Variants in STYK1 observed in about 807,000 individuals in gnomAD.
STYK1 encodes tyrosine-protein kinase STYK1.
In STYK1, 46 loss-of-function variants were observed where a neutral mutation model predicts 48.1. The ratio of observed to expected loss-of-function variants is 0.96; its 90% CI spans 0.75 to 1.22. The LOEUF (loss-of-function observed/expected upper bound fraction) is 1.22, where lower values mean the gene tolerates loss of function less well. Among genes scored for constraint, STYK1 ranks in the 50% most tolerant of loss-of-function variants. The probability of loss-of-function intolerance (pLI) is 0.00; values close to 1 mark genes in which losing one functional copy is unlikely to be tolerated. For synonymous variants in STYK1, 188 were observed against 189.0 expected, an observed-to-expected ratio of 0.99 and a Z score of 0.04; for missense variants, 527 against 521.1, an observed-to-expected ratio of 1.01 and a Z score of -0.11.
intron 1 of STYK1, among the ~76,000 whole-genome samples, chr12:10,640,036 T>C (rs1947526875): frequency 6.6e-6 from 1 of 152,136 alleles, no homozygotes; most frequent in Non-Finnish European, 1.5e-5. Context: ...ATTCTGAAAA[T>C]AGAAGTAGAA....
At chr12:10,620,611 T>C (rs1418618671) in intron 10 of STYK1, among the ~76,000 whole-genome samples, 2 of 152,194 alleles carry the variant, frequency 1.3e-5, no homozygotes, top group Admixed American at 6.5e-5. Flanking sequence ...CAGGACAGTT[T>C]TATCACTACA....
intron 1 of STYK1, among the ~76,000 whole-genome samples, chr12:10,657,497 A>C (rs1336020688): frequency 2.0e-5 from 3 of 152,264 alleles, no homozygotes; most frequent in Non-Finnish European, 4.4e-5. Context: ...TGGGAAATAA[A>C]GACAGTTTTA....
intron 9 of STYK1, 110 bp from the exon 10 acceptor site, chr12:10,622,082 G>A: frequency 1.2e-6 from 1 of 843,162 alleles, no homozygotes; most frequent in Non-Finnish European, 1.9e-6. Context: ...ATAGCCATAG[G>A]AAAAATACTA....
intron 1 of STYK1, among the ~76,000 whole-genome samples, chr12:10,655,165 G>A (rs946023966): frequency 6.6e-6 from 1 of 152,158 alleles, no homozygotes; most frequent in Non-Finnish European, 1.5e-5. Flanking sequence ...TTGTCTTTCT[G>A]TGTTATTCTG....
intron 4 of STYK1, among the ~76,000 whole-genome samples, chr12:10,631,538 T>A (rs1012647085): frequency 6.6e-6 from 1 of 152,222 alleles, no homozygotes; most frequent in African/African-American, 2.4e-5. Flanking sequence ...AGGAAATCGG[T>A]CATGACACTT....
chr12:10,659,637 T>G (rs1947754477), intron 1 of STYK1, among the ~76,000 whole-genome samples: 1 of 152,156 alleles, frequency 6.6e-6, no homozygotes, highest in South Asian at 2.1e-4. Flanking sequence ...TCCTAGGTAT[T>G]TTATGGTACA....
At position 10,618,992 on chromosome 12, in the gene STYK1, A is replaced by T. The variant is rs1003554444; in HGVS notation, c.*1152T>A. Reference sequence around the variant, plus strand: ...TATGTGCCAGATAGTGTACAAATACATACTCAAAACGTATCAATCCTCAGA... The same window carrying T: ...TATGTGCCAGATAGTGTACAAATACTTACTCAAAACGTATCAATCCTCAGA... On this transcript the variant is annotated 3_prime_UTR_variant, in exon 11 of 11. Coordinates refer to ENST00000075503, the MANE Select transcript of STYK1 (RefSeq NM_018423.3). The T allele has an allele frequency of 6.6e-6, 1 of 152,236 alleles. No individual in the cohort carries two copies. Among genetic ancestry groups the T allele is most frequent in the Non-Finnish European group, 1.5e-5 (1 of 68,042 alleles). 9.4% of individuals were successfully genotyped at this position (152,236 alleles called of 1,614,324 possible). A position where few individuals can be genotyped will look rare whatever the true frequency, so the allele number is the denominator to read the frequency against.
At chr12:10,654,045 T>C (rs1947691191) in intron 1 of STYK1, among the ~76,000 whole-genome samples, 1 of 152,198 alleles carries the variant, frequency 6.6e-6, no homozygotes, top group South Asian at 2.1e-4. Flanking sequence ...TAAACCAAGA[T>C]GGCCATGAAA....
chr12:10,673,515 C>T (rs1250123130), intron 1 of STYK1: 1 of 152,194 alleles, frequency 6.6e-6, no homozygotes, highest in African/African-American at 2.4e-5. Flanking sequence ...AAAGTAATTA[C>T]CGTATTTATG....
At chr12:10,650,198 C>T (rs971554819) in intron 1 of STYK1, among the ~76,000 whole-genome samples, 10 of 150,486 alleles carry the variant, frequency 6.6e-5, no homozygotes, top group Non-Finnish European at 1.3e-4. Context: ...ATTATCTTGC[C>T]GACCTGGGAG....
intron 1 of STYK1, among the ~76,000 whole-genome samples, chr12:10,665,503 C>T (rs1043738951): frequency 8.5e-5 from 13 of 152,146 alleles, no homozygotes; most frequent in African/African-American, 2.9e-4. Context: ...ATGCTCTTCC[C>T]ACTACACTTT....
In STYK1 at chr12:10,634,078, C is replaced by T; in HGVS notation, c.99G>A (p.Leu33=). 6.2e-7 allele frequency: 1 copy of T among 1,614,096 alleles called. No homozygotes were observed. The highest frequency in any genetic ancestry group is 1.1e-5 in the South Asian group (1 of 91,074). ...CAAGAAGGATGAGGAAGATAGTAAC[C>T]AACAAAGTTGGGACGATAATCACTT... ...QYEVIIVPTL[L]VTIFLILLGV... is the part of the protein sequence containing the mutation. Residue 33 remains leucine, a synonymous_variant, in exon 4 of 11, where the codon TTG becomes TTA. Coordinates refer to ENST00000075503, the MANE Select transcript of STYK1 (RefSeq NM_018423.3).
intron 7 of STYK1, among the ~76,000 whole-genome samples, chr12:10,626,185 G>A (rs1159999509): frequency 6.6e-6 from 1 of 152,160 alleles, no homozygotes; most frequent in Non-Finnish European, 1.5e-5. Flanking sequence ...GAATGTAACT[G>A]ACTTTGAGCT....
chr12:10,633,999 C>T lies in STYK1; in HGVS notation c.178G>A (p.Gly60Arg), dbSNP rs1434837704. The T allele has an allele frequency of 6.2e-7, 1 of 1,613,910 alleles. No individual in the cohort carries two copies. The highest frequency in any genetic ancestry group is 1.3e-5 in the African/African-American group (1 of 74,904). Residue 60 changes from glycine to arginine, a missense_variant, in exon 4 of 11, where the codon GGA becomes AGA. Physicochemically the swap from Gly to Arg is moderately radical, Grantham distance 125. Coordinates refer to ENST00000075503, the MANE Select transcript of STYK1 (RefSeq NM_018423.3). ...AAAGTTTGAGCTTTACCTTGAGGTCCAGAACGCTGCTGTTGAGTTCTTTGT... is the reference window on the plus strand; with the variant it reads ...AAAGTTTGAGCTTTACCTTGAGGTCTAGAACGCTGCTGTTGAGTTCTTTGT... The part of the protein sequence containing the change: ...REQRTQQQRS[G>R]PQGIAPVPPP...
chr12:10,648,958 A>C (rs1019107679), intron 1 of STYK1, among the ~76,000 whole-genome samples: 2 of 152,228 alleles, frequency 1.3e-5, no homozygotes, highest in Non-Finnish European at 2.9e-5. Context: ...GAATGTCTAC[A>C]TTTATGAAAA....
At chr12:10,656,487 T>A (rs571167989) in intron 1 of STYK1, among the ~76,000 whole-genome samples, 36 of 152,152 alleles carry the variant, frequency 2.4e-4, no homozygotes, top group Admixed American at 1.1e-3. Flanking sequence ...TAGCTGGGCA[T>A]GGTGGTGGGC....
chr12:10,620,277 C>T lies in STYK1; in HGVS notation c.1136G>A (p.Arg379His), dbSNP rs34638573. The T allele has an allele frequency of 2.1e-4, 347 of 1,614,064 alleles. No individual in the cohort carries two copies. The East Asian group carries it at 5.9e-3, about 28-fold the overall frequency. The change falls in exon 11 of 11, where the codon CGC (arginine) becomes CAC (histidine). Residue 379 changes from arginine to histidine, a missense_variant. Arg to His is a conservative substitution (Grantham distance 29, BLOSUM62 0). Coordinates refer to ENST00000075503, the MANE Select transcript of STYK1 (RefSeq NM_018423.3). The part of the protein sequence containing the change: ...DRPSPRELRL[R>H]LEAAIKTADD... The stretch of plus-strand genomic sequence containing the variant: ...TGCAGTTTTAATGGCAGCTTCTAGG[C>T]GCAAGCGCAGCTCTCTAGGTGAGGG...
intron 1 of STYK1, among the ~76,000 whole-genome samples, chr12:10,647,654 G>A (rs1477903627): frequency 6.6e-6 from 1 of 152,148 alleles, no homozygotes; most frequent in Non-Finnish European, 1.5e-5. Context: ...GATTCGGGAA[G>A]GGCCAGGAGT....
At chr12:10,626,208 GA>G (rs941408491) in intron 7 of STYK1, among the ~76,000 whole-genome samples, 2 of 152,086 alleles carry the variant, frequency 1.3e-5, no homozygotes, top group African/African-American at 2.4e-5. Context: ...TTAAAAGTAA[GA>G]AAAAAATAGC....
Sources: gnomAD v4.1 joint callset for allele counts (sites outside exome capture counted in the v4.1 genomes callset) on GRCh38, gnomAD v4.1.1 for gene constraint, MANE v1.5 for transcripts, NCBI Gene and HGNC (gene_info 2026-07-23, HGNC 2026-07-21) for gene names.